The following PLXNA2 variants were observed in gnomAD, a reference collection of about 807,000 sequenced individuals.
PLXNA2 encodes the protein plexin A2.
Under a neutral mutation model 193.5 loss-of-function variants are expected in PLXNA2, and 91 were observed. The ratio of observed to expected loss-of-function variants is 0.47; its 90% confidence interval spans 0.40 to 0.56. PLXNA2 has a LOEUF of 0.56. PLXNA2 is among the 20% of genes least tolerant of loss of function. The pLI is 0.00. For missense variants in PLXNA2, 1,995 were observed against 2,503.2 expected (o/e 0.80, Z 4.33); for synonymous variants, 997 against 1,027.3 (o/e 0.97, Z 0.56).
intron 22 of PLXNA2, chr1:208,040,395 T>G: frequency 7.5e-6 from 2 of 268,406 alleles, no homozygotes; most frequent in Non-Finnish European, 1.4e-5. Context: ...GAACCGGTTC[T>G]CCCAACTCAC....
intron 4 of PLXNA2, among the ~76,000 whole-genome samples, chr1:208,126,373 C>T (rs1667976879): frequency 6.6e-6 from 1 of 152,142 alleles, no homozygotes; most frequent in African/African-American, 2.4e-5. Flanking sequence ...CTTAGCTTGC[C>T]TGGGGGAATC....
At chr1:208,055,886 C>G (rs935732366) in intron 13 of PLXNA2, among the ~76,000 whole-genome samples, 1 of 152,220 alleles carries the variant, frequency 6.6e-6, no homozygotes, top group South Asian at 2.1e-4. Flanking sequence ...CAATAACTGT[C>G]TTATTACGTT....
At chr1:208,209,322 C>T (rs1558245369) in intron 3 of PLXNA2, among the ~76,000 whole-genome samples, 1 of 152,152 alleles carries the variant, frequency 6.6e-6, no homozygotes, top group African/African-American at 2.4e-5. Context: ...CAAACAACAT[C>T]CCTCCCAAGG....
At chr1:208,074,230 C>A (rs148366012) in intron 12 of PLXNA2, among the ~76,000 whole-genome samples, 80 of 152,326 alleles carry the variant, frequency 5.3e-4, no homozygotes, top group African/African-American at 1.9e-3. Context: ...GCTCCTAACA[C>A]CCTCCTCTTT....
intron 10 of PLXNA2, among the ~76,000 whole-genome samples, chr1:208,083,182 C>T (rs987334561): frequency 6.6e-6 from 1 of 152,144 alleles, no homozygotes; most frequent in African/African-American, 2.4e-5. Flanking sequence ...CACAGCTTTC[C>T]GGACACAGAC....
At chr1:208,207,118 AC>A (rs1273665049) in intron 3 of PLXNA2, among the ~76,000 whole-genome samples, 1 of 151,784 alleles carries the variant, frequency 6.6e-6, no homozygotes, top group East Asian at 1.9e-4. Context: ...CGATTCTCCC[AC>A]CTCAGCCTCC....
chr1:208,059,822 G>A (rs536670227), intron 13 of PLXNA2, among the ~76,000 whole-genome samples: 3 of 152,250 alleles, frequency 2.0e-5, no homozygotes, highest in South Asian at 4.1e-4. Flanking sequence ...AAGATAAAGC[G>A]ATGTCATTTT....
chr1:208,149,123 G>T (rs1466700159), intron 3 of PLXNA2, among the ~76,000 whole-genome samples: 1 of 152,064 alleles, frequency 6.6e-6, no homozygotes, highest in Non-Finnish European at 1.5e-5. Flanking sequence ...TGCTTTTGTG[G>T]TCTATTAACA....
chr1:208,129,919 C>A (rs1360640535), intron 4 of PLXNA2, among the ~76,000 whole-genome samples: 1 of 152,220 alleles, frequency 6.6e-6, no homozygotes. Context: ...CCTCTCCTGT[C>A]TTCCTTCTAC....
rs1403974109 is a variant in PLXNA2 at position 208,025,543 on chromosome 1, T to C, written c.*1700A>G. ...CCAGTCCCACACCTTTGCTTCCACT[T>C]GTCCTCCTACCCCCTGACTCCAGTG... is the stretch of plus-strand genomic sequence containing the variant. On this transcript the variant is annotated 3_prime_UTR_variant, in exon 32 of 32. Coordinates refer to ENST00000367033, the MANE Select transcript of PLXNA2 (RefSeq NM_025179.4). The C allele has an allele frequency of 6.6e-6, 1 of 152,240 alleles. No individual in the cohort carries two copies. Among genetic ancestry groups the C allele is most frequent in the Non-Finnish European group, 1.5e-5 (1 of 68,228 alleles). 9.4% of individuals were successfully genotyped at this position (152,240 alleles called of 1,614,324 possible). A position where few individuals can be genotyped will look rare whatever the true frequency, so the allele number is the denominator to read the frequency against.
chr1:208,241,631 C>G (rs982088194), intron 1 of PLXNA2, among the ~76,000 whole-genome samples: 2 of 152,214 alleles, frequency 1.3e-5, no homozygotes, highest in African/African-American at 4.8e-5. Flanking sequence ...CCCTGCACAT[C>G]GCTCCAAATG....
At chr1:208,116,140 C>G (rs1417845511) in intron 4 of PLXNA2, among the ~76,000 whole-genome samples, 1 of 152,204 alleles carries the variant, frequency 6.6e-6, no homozygotes. Context: ...AACATCCTCC[C>G]CTCTCCCGCT....
At chr1:208,029,250 T>C (rs1321735800) in intron 29 of PLXNA2, 4 of 1,387,378 alleles carry the variant, frequency 2.9e-6, no homozygotes, top group East Asian at 5.7e-5. Context: ...TGTACCCTAA[T>C]GGGGGCACTG....
intron 17 of PLXNA2, among the ~76,000 whole-genome samples, chr1:208,048,461 T>C (rs1665149459): frequency 6.6e-6 from 1 of 152,214 alleles, no homozygotes; most frequent in South Asian, 2.1e-4. Flanking sequence ...CCTCTGGGTC[T>C]GCCAGCCTGT....
intron 4 of PLXNA2, among the ~76,000 whole-genome samples, chr1:208,124,035 G>T (rs1315417766): frequency 6.6e-6 from 1 of 152,138 alleles, no homozygotes; most frequent in Non-Finnish European, 1.5e-5. Context: ...ACATTGCCCC[G>T]TGGCCACTAG....
chr1:208,039,825 T>C (rs1408549013), intron 23 of PLXNA2, 58 bp from the exon 24 acceptor site: 1 of 1,611,318 alleles, frequency 6.2e-7, no homozygotes, highest in Non-Finnish European at 8.5e-7. Context: ...TTGTACGTTT[T>C]CCCTTTCCTC....
intron 3 of PLXNA2, among the ~76,000 whole-genome samples, chr1:208,179,010 C>T (rs950115395): frequency 1.3e-5 from 2 of 152,208 alleles, no homozygotes; most frequent in Non-Finnish European, 2.9e-5. Context: ...GGGGCCTTCC[C>T]CCTTGCCCTA....
At chr1:208,083,728 A>G (rs1449500837) in intron 10 of PLXNA2, among the ~76,000 whole-genome samples, 1 of 152,050 alleles carries the variant, frequency 6.6e-6, no homozygotes, top group East Asian at 1.9e-4. Flanking sequence ...TGGGGTTAGT[A>G]TTATAATTAA....
In PLXNA2 at chr1:208,217,358, C is replaced by T; in HGVS notation, c.565G>A (p.Asp189Asn). The change falls in exon 2 of 32, where the codon GAT becomes AAT. Residue 189 changes from aspartate to asparagine, a missense_variant. Physicochemically the swap from Asp to Asn is conservative, Grantham distance 23 (BLOSUM62 1). This residue lies in a region of PLXNA2 where 702 missense variants were observed against 812.9 expected (regional missense o/e 0.86). Transcript: ENST00000367033. The surrounding 1 kb of genome is among the most constrained non-coding windows in gnomAD (Gnocchi z 4.7). ...GTCGGGAAGTAATCCTGCTTCCCATCCACAGCCGTGCCGATGAAGAGCTTG... is the reference window on the plus strand; with the variant it reads ...GTCGGGAAGTAATCCTGCTTCCCATTCACAGCCGTGCCGATGAAGAGCTTG... Reference protein sequence around the residue: ...DGKLFIGTAVDGKQDYFPTLS... With the variant: ...DGKLFIGTAVNGKQDYFPTLS... 1 of 1,614,194 alleles carries T rather than the reference C, an allele frequency of 6.2e-7. No individual in the cohort carries two copies. The highest frequency in any genetic ancestry group is 8.5e-7 in the Non-Finnish European group (1 of 1,180,036).
Sources: allele counts gnomAD v4.1 joint callset (sites outside exome capture counted in the v4.1 genomes callset), GRCh38; gene constraint gnomAD v4.1.1; regional missense constraint gnomAD v4.1.1; non-coding constraint Gnocchi (gnomAD v3.1); transcripts MANE v1.5; gene names NCBI Gene and HGNC (gene_info 2026-07-23, HGNC 2026-07-21).